Variants in RARB observed in about 807,000 individuals in gnomAD.
RARB encodes the protein retinoic acid receptor beta.
A neutral mutation model predicts 51.9 loss-of-function variants in RARB; 17 were observed. The ratio of observed to expected loss-of-function variants is 0.33; its 90% confidence interval spans 0.22 to 0.49. The LOEUF (loss-of-function observed/expected upper bound fraction) is 0.49. Among genes scored for constraint, RARB ranks in the 20% least tolerant of loss-of-function variants. RARB has a pLI of 0.99. For missense variants in RARB, 369 were observed against 550.8 expected, an observed-to-expected ratio of 0.67 and a Z score of 3.30; for synonymous variants, 215 against 195.4, an observed-to-expected ratio of 1.10 and a Z score of -0.84.
intron 2 of RARB, among the ~76,000 whole-genome samples, chr3:24,874,101 T>G (rs1350436576): frequency 6.6e-6 from 1 of 152,104 alleles, no homozygotes; most frequent in Non-Finnish European, 1.5e-5. Context: ...ATGCAAATAC[T>G]ACTCCATAGG....
chr3:25,298,373 G>T (rs1373907356), intron 5 of RARB, among the ~76,000 whole-genome samples: 1 of 151,816 alleles, frequency 6.6e-6, no homozygotes, highest in Non-Finnish European at 1.5e-5. Flanking sequence ...GTAGAGATGG[G>T]GTTTCACTGT....
intron 2 of RARB, among the ~76,000 whole-genome samples, chr3:25,483,567 T>C (rs1575447283): frequency 6.8e-6 from 1 of 147,296 alleles, no homozygotes. Context: ...AAAGAGAGTG[T>C]GTGGCTTTAG....
At chr3:24,904,316 T>C (rs1417409226) in intron 2 of RARB, among the ~76,000 whole-genome samples, 1 of 151,842 alleles carries the variant, frequency 6.6e-6, no homozygotes, top group African/African-American at 2.4e-5. Context: ...TATTAGGAAA[T>C]GCCATGAAAA....
intron 2 of RARB, among the ~76,000 whole-genome samples, chr3:24,898,304 T>C (rs7618301): frequency 6.7e-6 from 1 of 148,772 alleles, no homozygotes; most frequent in Non-Finnish European, 1.5e-5. Flanking sequence ...AAATGAAAAA[T>C]AGGAATAAAT....
At chr3:24,849,341 G>A (rs750670273) in intron 1 of RARB, among the ~76,000 whole-genome samples, 24 of 152,352 alleles carry the variant, frequency 1.6e-4, no homozygotes, top group Middle Eastern at 6.8e-3. Context: ...TATGCCGCGT[G>A]TGTTCATGGA....
chr3:24,938,674 A>G (rs922042898), intron 2 of RARB, among the ~76,000 whole-genome samples: 21 of 152,274 alleles, frequency 1.4e-4, no homozygotes, highest in Non-Finnish European at 2.8e-4. Context: ...CATTTATAAA[A>G]CTTTTCTATC....
At chr3:25,478,411 G>A (rs1696065238) in intron 2 of RARB, among the ~76,000 whole-genome samples, 1 of 152,174 alleles carries the variant, frequency 6.6e-6, no homozygotes, top group African/African-American at 2.4e-5. Context: ...TTGTTCTTGA[G>A]AGCCTGTTGT....
intron 2 of RARB, among the ~76,000 whole-genome samples, chr3:24,956,856 G>T (rs1360750488): frequency 6.6e-6 from 1 of 152,162 alleles, no homozygotes; most frequent in African/African-American, 2.4e-5. Context: ...AAGTTCCTTG[G>T]GTTCTATGCC....
intron 5 of RARB, among the ~76,000 whole-genome samples, chr3:25,341,200 C>T (rs149795605): frequency 2.3e-3 from 346 of 152,238 alleles, no homozygotes; most frequent in African/African-American, 7.7e-3. Context: ...CATCTAAGAC[C>T]GTGCCTGGCA....
intron 4 of RARB, among the ~76,000 whole-genome samples, chr3:25,148,517 A>G (rs17517455): frequency 0.085 from 12,890 of 152,278 alleles, 716 homozygotes; most frequent in Non-Finnish European, 0.13. Flanking sequence ...AGTTTGATTT[A>G]CAGGGGCCAT....
At chr3:25,049,375 T>C (rs1046178148) in intron 2 of RARB, among the ~76,000 whole-genome samples, 1 of 152,204 alleles carries the variant, frequency 6.6e-6, no homozygotes, top group Non-Finnish European at 1.5e-5. Flanking sequence ...CAAGTATCGA[T>C]TTAGGGTTCT....
At chr3:25,007,605 C>CAAAAAAAAAAAAAAA (rs1279154112) in intron 2 of RARB, among the ~76,000 whole-genome samples, 1 of 60,640 alleles carries the variant, frequency 1.6e-5, no homozygotes, top group Non-Finnish European at 3.3e-5. Flanking sequence ...AAAAAAAAAA[C>CAAAAAAAAAAAAAAA]AAAAAAACCT....
intron 2 of RARB, among the ~76,000 whole-genome samples, chr3:25,031,559 C>A (rs900626720): frequency 1.3e-5 from 2 of 152,106 alleles, no homozygotes; most frequent in African/African-American, 2.4e-5. Context: ...AAAGACAATG[C>A]CTTGAAAACT....
intron 2 of RARB, among the ~76,000 whole-genome samples, chr3:24,989,329 T>C (rs1455426466): frequency 2.0e-5 from 3 of 152,228 alleles, no homozygotes; most frequent in Non-Finnish European, 2.9e-5. Flanking sequence ...AGCTAAGTAA[T>C]AGCCCTGGGT....
At chr3:25,181,749 A>G (rs908200598) in intron 5 of RARB, among the ~76,000 whole-genome samples, 1 of 152,156 alleles carries the variant, frequency 6.6e-6, no homozygotes. Context: ...ATTATTTAGG[A>G]TTTTAATTGC....
intron 2 of RARB, among the ~76,000 whole-genome samples, chr3:24,960,209 T>G (rs1015250038): frequency 3.3e-5 from 5 of 152,166 alleles, no homozygotes; most frequent in Non-Finnish European, 5.9e-5. Context: ...TAAATTGGAG[T>G]TTTTAGGGCA....
intron 5 of RARB, among the ~76,000 whole-genome samples, chr3:25,183,579 T>G (rs1003095964): frequency 1.3e-5 from 2 of 152,196 alleles, no homozygotes; most frequent in African/African-American, 2.4e-5. Context: ...ATATTCAAGT[T>G]TCAGTCACCG....
chr3:25,541,909 A>T (rs1699400388), intron 3 of RARB, among the ~76,000 whole-genome samples: 1 of 152,136 alleles, frequency 6.6e-6, no homozygotes, highest in Non-Finnish European at 1.5e-5. Context: ...GTTTCGTGGG[A>T]GGTAGCTGTA....
chr3:25,572,942 G>T (rs113305782), intron 4 of RARB, among the ~76,000 whole-genome samples: 1 of 152,096 alleles, frequency 6.6e-6, no homozygotes, highest in African/African-American at 2.4e-5. Flanking sequence ...AGCATTTGCC[G>T]CTCCTGGAAC....
Sources: allele counts gnomAD v4.1 joint callset (sites outside exome capture counted in the v4.1 genomes callset), GRCh38; gene constraint gnomAD v4.1.1; transcripts MANE v1.5; gene names NCBI Gene and HGNC (gene_info 2026-07-23, HGNC 2026-07-21).